The following PTPRM variants were observed in gnomAD, a reference collection of about 807,000 sequenced individuals.
The protein encoded by PTPRM is protein tyrosine phosphatase receptor type M.
Under a neutral mutation model 186.7 loss-of-function variants are expected in PTPRM, and 47 were observed. The ratio of observed to expected loss-of-function variants is 0.25; its 90% CI spans 0.20 to 0.32. The LOEUF is 0.32. Ranked by LOEUF, PTPRM falls within the 10% of genes least tolerant of loss-of-function variation. The pLI is 1.00. For synonymous variants in PTPRM, 668 were observed against 674.9 expected (o/e 0.99, Z 0.16); for missense variants, 1,494 against 1,865.0 (o/e 0.80, Z 3.66).
In PTPRM at chr18:8,384,781, C is replaced by G. The variant is rs2095760988; in HGVS notation, c.4044+95C>G. On this transcript the variant is annotated intron_variant, in intron 30 of 32. Transcript: ENST00000580170. The stretch of plus-strand genomic sequence containing the variant: ...CACTCACTCTATGTCAGTCACTGTT[C>G]CAGGAGTTTGGAGTATGTCAGTGAA... 7 of 1,513,510 alleles carry G rather than the reference C, an allele frequency of 4.6e-6. No homozygotes were observed. The East Asian group carries it at 1.1e-4, about 25-fold the overall frequency. 93.8% of individuals were successfully genotyped at this position (1,513,510 alleles called of 1,614,324 possible).
chr18:8,358,163 G>A (rs549295815), intron 23 of PTPRM, among the ~76,000 whole-genome samples: 4 of 150,480 alleles, frequency 2.7e-5, no homozygotes, highest in Middle Eastern at 3.2e-3. Flanking sequence ...ATTTGCCTGC[G>A]TGAGTAACCA....
At chr18:7,960,474 T>TAC (rs1299278137) in intron 7 of PTPRM, among the ~76,000 whole-genome samples, 3 of 111,296 alleles carry the variant, frequency 2.7e-5, no homozygotes, top group Non-Finnish European at 5.4e-5. Flanking sequence ...TATATATATA[T>TAC]ATATATACAC....
chr18:7,739,708 C>A (rs1457723493), intron 1 of PTPRM, among the ~76,000 whole-genome samples: 1 of 150,660 alleles, frequency 6.6e-6, no homozygotes, highest in Non-Finnish European at 1.5e-5. Context: ...TCTTATGGGC[C>A]TGCTCCTTGG....
intron 31 of PTPRM, among the ~76,000 whole-genome samples, chr18:8,392,581 C>T (rs1261823825): frequency 2.0e-5 from 3 of 151,570 alleles, no homozygotes; most frequent in Non-Finnish European, 4.4e-5. Context: ...GAGCCAAGAT[C>T]GCGCCACTGC....
intron 11 of PTPRM, among the ~76,000 whole-genome samples, chr18:8,090,360 T>G (rs1051706435): frequency 6.6e-6 from 1 of 152,138 alleles, no homozygotes; most frequent in Non-Finnish European, 1.5e-5. Flanking sequence ...GACTCAATAT[T>G]TTACTGCAAA....
chr18:7,950,600 A>G (rs1261396086), intron 6 of PTPRM, among the ~76,000 whole-genome samples: 1 of 152,146 alleles, frequency 6.6e-6, no homozygotes, highest in Non-Finnish European at 1.5e-5. Context: ...AATGTTATCT[A>G]CCTTACAGGG....
chr18:7,808,750 T>G (rs1407456798), intron 2 of PTPRM, among the ~76,000 whole-genome samples: 1 of 152,230 alleles, frequency 6.6e-6, no homozygotes, highest in Non-Finnish European at 1.5e-5. Context: ...AGTTAAACTC[T>G]AAATATAAGA....
intron 2 of PTPRM, among the ~76,000 whole-genome samples, chr18:7,784,748 T>C (rs2043017958): frequency 2.0e-5 from 3 of 152,218 alleles, no homozygotes; most frequent in Admixed American, 2.0e-4. Flanking sequence ...ACATTGACAC[T>C]GCTTTTTGAG....
chr18:7,914,637 C>T (rs1304789177), intron 4 of PTPRM, among the ~76,000 whole-genome samples: 4 of 152,120 alleles, frequency 2.6e-5, no homozygotes, highest in Non-Finnish European at 5.9e-5. Flanking sequence ...TTAGGCACTA[C>T]ATTGTGATAG....
intron 24 of PTPRM, among the ~76,000 whole-genome samples, chr18:8,373,506 G>C (rs564965664): frequency 1.3e-4 from 20 of 152,182 alleles, no homozygotes; most frequent in Non-Finnish European, 2.6e-4. Context: ...GCTGTCTGGT[G>C]AATCTATCCC....
At chr18:8,337,523 A>G (rs569702572) in intron 22 of PTPRM, among the ~76,000 whole-genome samples, 1 of 152,330 alleles carries the variant, frequency 6.6e-6, no homozygotes, top group East Asian at 1.9e-4. Flanking sequence ...AGGGGTGGCC[A>G]CTCATACCCA....
chr18:7,873,671 ACTT>A (rs1430113665), intron 2 of PTPRM, among the ~76,000 whole-genome samples: 3 of 152,090 alleles, frequency 2.0e-5, no homozygotes, highest in African/African-American at 7.2e-5. Context: ...ATGCCAAGAG[ACTT>A]CTTTTCTTTT....
intron 2 of PTPRM, among the ~76,000 whole-genome samples, chr18:7,858,322 C>T (rs567220063): frequency 2.8e-4 from 43 of 151,778 alleles, no homozygotes; most frequent in African/African-American, 8.2e-4. Flanking sequence ...TTTGGGAGGC[C>T]GAGGTGGGAG....
intron 14 of PTPRM, among the ~76,000 whole-genome samples, chr18:8,201,693 G>C (rs1186180238): frequency 6.6e-6 from 1 of 152,152 alleles, no homozygotes; most frequent in Non-Finnish European, 1.5e-5. Flanking sequence ...TCGTAGAAGA[G>C]AGTTCTCTTC....
At position 8,214,151 on chromosome 18, in the gene PTPRM, G is replaced by T. The variant is rs577032047; in HGVS notation, c.2301-29907G>T. Among the ~76,000 whole-genome samples the T allele has an allele frequency of 1.4e-3, 206 of 152,268 alleles. 2 individuals carry two copies. The highest frequency in any genetic ancestry group is 0.013 in the Admixed American group (192 of 15,302). On this transcript the variant is annotated intron_variant, in intron 14 of 32. Coordinates refer to ENST00000580170, the MANE Select transcript of PTPRM (RefSeq NM_001105244.2). ...GTGAGACATGAAAAACTGCCTATTG[G>T]GGTACAGTGTACACTGTTTTGGTGG...
At position 8,126,027 on chromosome 18, in the gene PTPRM, A is replaced by ATATAT. The variant is rs57751538; in HGVS notation, c.2167+11201_2167+11202insATATT. Among the ~76,000 whole-genome samples the ATATAT allele has an allele frequency of 2.2e-4, 15 of 69,514 alleles. 1 individual carries two copies. The highest frequency in any genetic ancestry group is 4.2e-4 in the African/African-American group (9 of 21,354). 45.6% of individuals were successfully genotyped at this position (69,514 alleles called of 152,430 possible). A position where few individuals can be genotyped will look rare whatever the true frequency, so the allele number is the denominator to read the frequency against. ...TATATATATATATATATATATATATATTTTAAATCAGTAGACCTTTCCATT... is the reference window on the plus strand; with the variant it reads ...TATATATATATATATATATATATATATATATTTTTAAATCAGTAGACCTTTCCATT... On this transcript the variant is annotated intron_variant, in intron 13 of 32. Coordinates refer to ENST00000580170, the MANE Select transcript of PTPRM (RefSeq NM_001105244.2).
At chr18:7,937,592 AG>A (rs1266995367) in intron 5 of PTPRM, among the ~76,000 whole-genome samples, 2 of 152,202 alleles carry the variant, frequency 1.3e-5, no homozygotes, top group African/African-American at 4.8e-5. Context: ...AGCAAAACTC[AG>A]GTAAAGGTGC....
intron 1 of PTPRM, among the ~76,000 whole-genome samples, chr18:7,579,649 A>G (rs529503252): frequency 6.6e-6 from 1 of 152,356 alleles, no homozygotes; most frequent in African/African-American, 2.4e-5. Flanking sequence ...ATATAGTGAA[A>G]GAATAAAGAC....
chr18:7,837,047 CT>C (rs2046085957), intron 2 of PTPRM, among the ~76,000 whole-genome samples: 1 of 152,150 alleles, frequency 6.6e-6, no homozygotes, highest in African/African-American at 2.4e-5. Context: ...GAGAAGTTCT[CT>C]GTTATTTTCC....
Sources: allele counts gnomAD v4.1 joint callset (sites outside exome capture counted in the v4.1 genomes callset), GRCh38; gene constraint gnomAD v4.1.1; transcripts MANE v1.5; gene names NCBI Gene and HGNC (gene_info 2026-07-23, HGNC 2026-07-21).